Variants in FNBP1 observed in about 807,000 individuals in gnomAD.
FNBP1 encodes formin binding protein 1, also known as formin-binding protein 1.
In FNBP1, 26 loss-of-function variants were observed where a neutral mutation model predicts 90.6. That is an observed-to-expected ratio of 0.29 (90% CI 0.21 to 0.40). The LOEUF is 0.40. Ranked by LOEUF, FNBP1 falls within the 10% of genes least tolerant of loss-of-function variation. FNBP1 has a pLI of 1.00. For missense variants in FNBP1, 635 were observed against 768.0 expected (o/e 0.83, Z 2.05); for synonymous variants, 260 against 265.2 (o/e 0.98, Z 0.19).
At chr9:130,003,936 T>G (rs1183169551) in intron 1 of FNBP1, among the ~76,000 whole-genome samples, 5 of 40,948 alleles carry the variant, frequency 1.2e-4, no homozygotes, top group Non-Finnish European at 2.3e-4. Flanking sequence ...AAAAAAAAAG[T>G]AGTCTTCTGT....
chr9:129,890,591 G>C lies in FNBP1; in HGVS notation c.1847-45C>G. 6.5e-7 allele frequency: 1 copy of C among 1,546,334 alleles called. No individual in the cohort carries two copies. The highest frequency in any genetic ancestry group is 1.2e-5 in the South Asian group (1 of 84,280). ...AGAAAGAGAAACTCTCTGTTAGAGA[G>C]GAAGGCGCGGGTTCCAGGCGGGCAT... On this transcript the variant is annotated intron_variant, in intron 16 of 16. Transcript: ENST00000446176. The surrounding 1 kb of genome is among the most constrained non-coding windows in gnomAD (Gnocchi z 5.8).
intron 6 of FNBP1, among the ~76,000 whole-genome samples, chr9:129,953,049 T>C (rs1328793996): frequency 1.3e-5 from 2 of 152,202 alleles, no homozygotes; most frequent in Non-Finnish European, 2.9e-5. Context: ...TTTGGCCTAA[T>C]AAAAATACTA....
chr9:129,896,681 G>A (rs1363837242), intron 15 of FNBP1, among the ~76,000 whole-genome samples: 2 of 151,946 alleles, frequency 1.3e-5, no homozygotes, highest in African/African-American at 2.4e-5. Context: ...TTGAGACAGA[G>A]TCTTGCTCTG....
intron 1 of FNBP1, among the ~76,000 whole-genome samples, chr9:130,040,867 T>C (rs1168705687): frequency 6.6e-6 from 1 of 152,108 alleles, no homozygotes; most frequent in Non-Finnish European, 1.5e-5. Context: ...GCTTCAATAA[T>C]GGCCAACTCT....
rs2034884319 is a variant in FNBP1 at position 129,888,697 on chromosome 9, C to A, written c.*1842G>T. 1 of 233,162 alleles carries A rather than the reference C, an allele frequency of 4.3e-6. No homozygotes were observed. The highest frequency in any genetic ancestry group is 6.0e-5 in the East Asian group (1 of 16,552). 14.4% of individuals were successfully genotyped at this position (233,162 alleles called of 1,614,324 possible). A position where few individuals can be genotyped will look rare whatever the true frequency, so the allele number is the denominator to read the frequency against. ...TCCTCTTCACCTGCCTGGGCCTCAG[C>A]GTCTCTGCGCTTGTGGTTTCTCGTC... On this transcript the variant is annotated 3_prime_UTR_variant, in exon 17 of 17. Transcript: ENST00000446176.
the FNBP1 span, among the ~76,000 whole-genome samples, chr9:130,049,708 A>T: frequency 2.6e-5 from 4 of 152,074 alleles, no homozygotes; most frequent in Non-Finnish European, 4.4e-5. Context: ...CTCAAAAAAA[A>T]ATAAAAATAA....
At position 129,923,783 on chromosome 9, in the gene FNBP1, T is replaced by C. The variant is rs545165629; in HGVS notation, c.1170+61A>G. On this transcript the variant is annotated intron_variant, in intron 10 of 16. Transcript: ENST00000446176. ...ATTCATTCACAAACAAAATTAGTTATGCAGAACCAAACATGCAACCAAAGC... is the reference window on the plus strand; with the variant it reads ...ATTCATTCACAAACAAAATTAGTTACGCAGAACCAAACATGCAACCAAAGC... 4.9e-5 allele frequency: 72 copies of C among 1,477,148 alleles called. No homozygotes were observed. In the African/African-American group the frequency reaches 1.0e-3, roughly 20 times the overall value. 91.5% of individuals were successfully genotyped at this position (1,477,148 alleles called of 1,614,324 possible). A position where few individuals can be genotyped will look rare whatever the true frequency, so the allele number is the denominator to read the frequency against.
the FNBP1 span, among the ~76,000 whole-genome samples, chr9:130,051,937 G>C: frequency 2.6e-5 from 4 of 152,238 alleles, no homozygotes; most frequent in Admixed American, 6.5e-5. Flanking sequence ...AAAGTGTAAT[G>C]TCCCTTTGAA....
chr9:130,008,430 A>T (rs948838149), intron 1 of FNBP1, among the ~76,000 whole-genome samples: 7 of 152,326 alleles, frequency 4.6e-5, no homozygotes, highest in African/African-American at 1.7e-4. Context: ...TTGTCAAATA[A>T]CTTGAAGAGG....
At chr9:129,933,162 G>A (rs1027238105) in intron 6 of FNBP1, among the ~76,000 whole-genome samples, 1 of 152,084 alleles carries the variant, frequency 6.6e-6, no homozygotes, top group African/African-American at 2.4e-5. Flanking sequence ...AATAACTTAA[G>A]ATCTCAAACA....
At chr9:130,027,598 T>C (rs866281986) in intron 1 of FNBP1, among the ~76,000 whole-genome samples, 39 of 152,192 alleles carry the variant, frequency 2.6e-4, no homozygotes, top group African/African-American at 8.2e-4. Flanking sequence ...CATTTTATCA[T>C]GGGTCAGGAA....
At chr9:130,016,034 C>T (rs776694730) in intron 1 of FNBP1, among the ~76,000 whole-genome samples, 2 of 152,136 alleles carry the variant, frequency 1.3e-5, no homozygotes, top group Non-Finnish European at 2.9e-5. Context: ...AATCTTTGTT[C>T]ATTCATCTAT....
At chr9:129,910,726 C>T (rs2039118638) in intron 11 of FNBP1, among the ~76,000 whole-genome samples, 1 of 151,932 alleles carries the variant, frequency 6.6e-6, no homozygotes, top group African/African-American at 2.4e-5. Context: ...TGATAAAATG[C>T]CAGGGTGATG....
rs1228591494 is a variant in FNBP1, at chr9:129,890,741, T to C, written c.1847-195A>G. ...GGTCTGAGATGAGGAACTTTCACGG[T>C]TTTCTCTCTAGCCTTTAGCTGGTCT... On this transcript the variant is annotated intron_variant, in intron 16 of 16. Transcript: ENST00000446176. This position sits in a 1 kb window ranked among gnomAD's most constrained non-coding sequence, Gnocchi z 5.8. Among the ~76,000 whole-genome samples the C allele has an allele frequency of 6.6e-6, 1 of 151,990 alleles. No homozygotes were observed. Among genetic ancestry groups the C allele is most frequent in the Non-Finnish European group, 1.5e-5 (1 of 67,986 alleles).
intron 4 of FNBP1, among the ~76,000 whole-genome samples, chr9:129,965,844 G>A (rs1030129484): frequency 2.0e-5 from 3 of 151,454 alleles, no homozygotes; most frequent in African/African-American, 7.3e-5. Flanking sequence ...AGGAAGGAAG[G>A]AAGGAAGGAA....
intron 15 of FNBP1, among the ~76,000 whole-genome samples, chr9:129,896,766 A>T (rs528245888): frequency 2.6e-5 from 4 of 151,478 alleles, no homozygotes; most frequent in African/African-American, 9.7e-5. Flanking sequence ...CGAGTAGCTG[A>T]GATTACAGGC....
chr9:129,923,922 C>T lies in FNBP1; in HGVS notation c.1092G>A (p.Lys364=), dbSNP rs1217859402. Residue 364 remains lysine, a synonymous_variant, in exon 10 of 17, where the codon AAG becomes AAA. Transcript: ENST00000446176. Reference sequence around the variant, plus strand: ...CGTTGAAGCGATGGGAGAGGGGTTCCTTTTGCTGCTTGGGAGACTGGGGGC... The same window carrying T: ...CGTTGAAGCGATGGGAGAGGGGTTCTTTTTGCTGCTTGGGAGACTGGGGGC... ...PNGPQSPKQQ[K]EPLSHRFNEF... 1.3e-6 allele frequency: 2 copies of T among 1,586,976 alleles called. No homozygotes were observed.
intron 2 of FNBP1, among the ~76,000 whole-genome samples, chr9:129,984,265 GAAAATAAAA>G (rs917123117): frequency 1.7e-4 from 26 of 151,646 alleles, no homozygotes; most frequent in African/African-American, 6.3e-4. Flanking sequence ...TTTAACAGCA[GAAAATAAAA>G]AAAATAAAAA....
chr9:129,956,270 T>C (rs1007110046), intron 6 of FNBP1, among the ~76,000 whole-genome samples: 1 of 152,194 alleles, frequency 6.6e-6, no homozygotes, highest in African/African-American at 2.4e-5. Flanking sequence ...TGGCAAATAA[T>C]AGTTCACACC....
Sources: allele counts gnomAD v4.1 joint callset (sites outside exome capture counted in the v4.1 genomes callset), GRCh38; gene constraint gnomAD v4.1.1; non-coding constraint Gnocchi (gnomAD v3.1); transcripts MANE v1.5; gene names NCBI Gene and HGNC (gene_info 2026-07-23, HGNC 2026-07-21).